Variants in FGFR2 observed in about 807,000 individuals in gnomAD.
The protein encoded by FGFR2 is fibroblast growth factor receptor 2, also known as BEK fibroblast growth factor receptor.
Under a neutral mutation model 95.9 loss-of-function variants are expected in FGFR2, and 19 were observed. The observed-to-expected ratio is 0.20, with a 90% CI of 0.14 to 0.29. The LOEUF (loss-of-function observed/expected upper bound fraction) is 0.29. Among genes scored for constraint, FGFR2 ranks in the 10% least tolerant of loss-of-function variants. The probability of loss-of-function intolerance (pLI) is 1.00; values close to 1 mark genes in which losing one functional copy is unlikely to be tolerated. For synonymous variants in FGFR2, 392 were observed against 393.3 expected, an observed-to-expected ratio of 1.00 and a Z score of 0.04; for missense variants, 707 against 1,056.9, an observed-to-expected ratio of 0.67 and a Z score of 4.59.
rs1183290679 is a variant in FGFR2, at chr10:121,479,868, C to G, written c.2455G>C (p.Val819Leu). The G allele has an allele frequency of 6.2e-7, 1 of 1,614,164 alleles. No homozygotes were observed. Among genetic ancestry groups the G allele is most frequent in the Non-Finnish European group, 8.5e-7 (1 of 1,180,046 alleles). ...GCAGACACAGTCATTCATGTTTTAA[C>G]ACTGCCGTTTATGTGTGGATACTGA... ...LPQYPHINGS[V>L]KT The change falls in exon 18 of 18, where the codon GTT becomes CTT. Residue 819 changes from valine to leucine, a missense_variant. Physicochemically the swap from Val to Leu is conservative, Grantham distance 32. Transcript: ENST00000358487.
rs1425784803 is a variant in FGFR2 at position 121,517,284 on chromosome 10, G to C, written c.1084+35C>G. 7 of 1,612,604 alleles carry C rather than the reference G, an allele frequency of 4.3e-6. No homozygotes were observed. Among genetic ancestry groups the C allele is most frequent in the East Asian group, 2.2e-5 (1 of 44,854 alleles). ...ATTTTATAGCAGTCAACCAAGAAAA[G>C]GGAAAAAAACCCAGAGAGAAAGAAC... On this transcript the variant is annotated intron_variant, in intron 8 of 17. Transcript: ENST00000358487. The surrounding 1 kb of genome is among the most constrained non-coding windows in gnomAD (Gnocchi z 4.7).
At position 121,519,930 on chromosome 10, in the gene FGFR2, A is replaced by T. The variant is rs530976931; in HGVS notation, c.939+49T>A. On this transcript the variant is annotated intron_variant, in intron 7 of 17. Coordinates refer to ENST00000358487, the MANE Select transcript of FGFR2 (RefSeq NM_000141.5). ...AATCAAAGAACCTGTGGCCAAACCC[A>T]TGAAGGAGACCCCAGTTGTGGGTAC... 7.2e-5 allele frequency: 115 copies of T among 1,590,452 alleles called. 1 individual carries two copies. The South Asian group carries it at 8.3e-4, about 11-fold the overall frequency.
chr10:121,505,797 C>T (rs993561142), intron 9 of FGFR2, among the ~76,000 whole-genome samples: 1 of 152,168 alleles, frequency 6.6e-6, no homozygotes. Flanking sequence ...TTGCATTGGT[C>T]CACAGGAACA....
intron 1 of FGFR2, 130 bp from the exon 2 acceptor site, chr10:121,594,097 TC>T (rs1483306070): frequency 7.4e-6 from 4 of 543,976 alleles, no homozygotes; most frequent in Non-Finnish European, 1.3e-5. Context: ...ATCTGCTAAA[TC>T]CTTCCATCCT....
intron 8 of FGFR2, among the ~76,000 whole-genome samples, chr10:121,516,147 A>C (rs549835142): frequency 6.6e-6 from 1 of 152,268 alleles, no homozygotes; most frequent in South Asian, 2.1e-4. Flanking sequence ...TCGATGATCC[A>C]TCTACAAGCA....
intron 2 of FGFR2, among the ~76,000 whole-genome samples, chr10:121,587,922 A>G (rs1862076570): frequency 6.6e-6 from 1 of 152,220 alleles, no homozygotes; most frequent in Admixed American, 6.5e-5. Flanking sequence ...AAATCATTCT[A>G]CCATAAAGAC....
chr10:121,480,087 G>A (rs749663414), intron 17 of FGFR2, 66 bp from the exon 18 acceptor site: 134 of 1,452,990 alleles, frequency 9.2e-5, no homozygotes, highest in East Asian at 3.2e-4. Flanking sequence ...AATACGGTTC[G>A]AGAGGCTGAC....
At chr10:121,547,974 G>A (rs1241813142) in intron 5 of FGFR2, among the ~76,000 whole-genome samples, 1 of 152,176 alleles carries the variant, frequency 6.6e-6, no homozygotes, top group Non-Finnish European at 1.5e-5. Flanking sequence ...CCCAGGAGAT[G>A]AGAAATGTGT....
rs2133942316 is a variant in FGFR2 at position 121,496,670 on chromosome 10, G to A, written c.1725C>T (p.Tyr575=). 1 of 1,612,546 alleles carries A rather than the reference G, an allele frequency of 6.2e-7. No homozygotes were observed. The highest frequency in any genetic ancestry group is 1.1e-5 in the South Asian group (1 of 90,994). Residue 575 remains tyrosine (Y), a synonymous_variant, in exon 13 of 18, where the codon TAC becomes TAT. Transcript: ENST00000358487. ...TCCCGGGTGGCCTCCGGGCTCGGAGGTATTCTCGGAGGTTGCCTTTAGAGG... is the reference window on the plus strand; with the variant it reads ...TCCCGGGTGGCCTCCGGGCTCGGAGATATTCTCGGAGGTTGCCTTTAGAGG... ...EYASKGNLRE[Y]LRARRPPGME...
chr10:121,504,034 G>A (rs2134069640), intron 9 of FGFR2, 93 bp from the exon 10 acceptor site: 2 of 1,475,036 alleles, frequency 1.4e-6, no homozygotes, highest in South Asian at 1.2e-5. Context: ...TCGAATCTTA[G>A]AAAGGAATGG....
chr10:121,577,174 T>TAGAGAGAGAG (rs1426070759), intron 2 of FGFR2, among the ~76,000 whole-genome samples: 7 of 4,800 alleles, frequency 1.5e-3, no homozygotes, highest in East Asian at 4.7e-3. Flanking sequence ...TATATATATA[T>TAGAGAGAGAG]ATATAGAGAG....
Position 121,534,344 on chromosome 10 carries a change from G to C in FGFR2, c.748+4248C>G, listed in dbSNP as rs571359727. 2.2e-4 allele frequency among the ~76,000 whole-genome samples: 33 copies of C among 151,880 alleles called. No individual in the cohort carries two copies. The South Asian group carries it at 3.8e-3, about 17-fold the overall frequency. Reference sequence around the variant, plus strand: ...GAACTCCTGACCTCATGATCTGCCTGCCTCGGCCTCCCAAACTGCTGGGAT... The same window carrying C: ...GAACTCCTGACCTCATGATCTGCCTCCCTCGGCCTCCCAAACTGCTGGGAT... On this transcript the variant is annotated intron_variant, in intron 6 of 17. Coordinates refer to ENST00000358487, the MANE Select transcript of FGFR2 (RefSeq NM_000141.5).
chr10:121,569,214 CTT>C (rs1270491605), intron 2 of FGFR2, among the ~76,000 whole-genome samples: 1 of 147,272 alleles, frequency 6.8e-6, no homozygotes, highest in Non-Finnish European at 1.5e-5. Context: ...CTTTTCTTTT[CTT>C]TTCTTTTCTT....
At chr10:121,498,046 T>C (rs1441317504) in intron 12 of FGFR2, among the ~76,000 whole-genome samples, 1 of 152,196 alleles carries the variant, frequency 6.6e-6, no homozygotes, top group African/African-American at 2.4e-5. Flanking sequence ...TCATACCGCT[T>C]TCTCCTCTTT....
At chr10:121,550,917 C>A (rs571025175) in intron 5 of FGFR2, among the ~76,000 whole-genome samples, 1 of 151,984 alleles carries the variant, frequency 6.6e-6, no homozygotes, top group Non-Finnish European at 1.5e-5. Flanking sequence ...TTGAGCACTT[C>A]AAAAAATAAA....
chr10:121,497,493 C>CA (rs1847028571), intron 12 of FGFR2, among the ~76,000 whole-genome samples: 2 of 152,210 alleles, frequency 1.3e-5, no homozygotes, highest in South Asian at 4.1e-4. Context: ...AAAACCAGAT[C>CA]ATTCCTTTTC....
chr10:121,570,995 CTT>C (rs397845871), intron 2 of FGFR2, among the ~76,000 whole-genome samples: 1 of 147,136 alleles, frequency 6.8e-6, no homozygotes. Flanking sequence ...CCTTTTTTTT[CTT>C]TTTTTTTTTG....
chr10:121,593,523 C>T (rs1208642663), intron 2 of FGFR2, among the ~76,000 whole-genome samples, 186 bp downstream of exon 2: 1 of 152,168 alleles, frequency 6.6e-6, no homozygotes, highest in South Asian at 2.1e-4. Flanking sequence ...ACCATCCTGC[C>T]TGCAGTGCTG....
chr10:121,485,593 C>T lies in FGFR2; in HGVS notation c.2058-61G>A, dbSNP rs903883284. 1.2e-5 allele frequency: 20 copies of T among 1,611,614 alleles called. No homozygotes were observed. The highest frequency in any genetic ancestry group is 1.2e-4 in the South Asian group (11 of 90,858). On this transcript the variant is annotated intron_variant, in intron 15 of 17. Transcript: ENST00000358487. This position sits in a 1 kb window ranked among gnomAD's most constrained non-coding sequence, Gnocchi z 4.2. ...CATCCACGTTGCCAAAACCTAAACA[C>T]GCCCAGCTGAGACATAAACACCTCC... is the stretch of plus-strand genomic sequence containing the variant.
Sources: allele counts gnomAD v4.1 joint callset (sites outside exome capture counted in the v4.1 genomes callset), GRCh38; gene constraint gnomAD v4.1.1; non-coding constraint Gnocchi (gnomAD v3.1); transcripts MANE v1.5; gene names NCBI Gene and HGNC (gene_info 2026-07-23, HGNC 2026-07-21).